Variants in SMG5 observed in about 807,000 individuals in gnomAD.
SMG5 encodes SMG5 nonsense mediated mRNA decay factor.
SMG5 carries 53 observed loss-of-function variants against 122.9 expected under a neutral mutation model. That is an observed-to-expected ratio of 0.43 (90% confidence interval 0.35 to 0.54). The LOEUF (loss-of-function observed/expected upper bound fraction) is 0.54. Among genes scored for constraint, SMG5 ranks in the 20% least tolerant of loss-of-function variants. SMG5 has a pLI of 0.01. For synonymous variants in SMG5, 477 were observed against 490.2 expected, an observed-to-expected ratio of 0.97 and a Z score of 0.35; for missense variants, 1,153 against 1,285.6, an observed-to-expected ratio of 0.90 and a Z score of 1.58.
In SMG5 at chr1:156,266,566, G is replaced by A; in HGVS notation, c.1230C>T (p.Val410=). The change falls in exon 11 of 22, where the codon GTC becomes GTT. Residue 410 remains valine (V), a synonymous_variant. Coordinates refer to ENST00000361813, the MANE Select transcript of SMG5 (RefSeq NM_015327.3). ...QAELEEGENP[V]PAFQSDGTDE... The stretch of plus-strand genomic sequence containing the variant: ...CTGTGCCATCACTCTGGAATGCCGG[G>A]ACGGGATTCTCGCCCTCTTCCAGCT... 1 of 1,614,116 alleles carries A rather than the reference G, an allele frequency of 6.2e-7. No homozygotes were observed. The highest frequency in any genetic ancestry group is 8.5e-7 in the Non-Finnish European group (1 of 1,180,024).
At chr1:156,282,558 G>T (rs747863402) in intron 1 of SMG5, 49 bp downstream of exon 1, 14 of 1,527,618 alleles carry the variant, frequency 9.2e-6, no homozygotes, top group Admixed American at 1.9e-5. Context: ...GCCCCTCGCC[G>T]TCTCCCCACT....
chr1:156,261,436 T>C, intron 13 of SMG5, 28 bp from the exon 14 acceptor site: 1 of 1,593,058 alleles, frequency 6.3e-7, no homozygotes. Context: ...AGAGGAGGCC[T>C]TCAGCTAGAG....
chr1:156,271,292 A>G (rs143594324), intron 7 of SMG5, among the ~76,000 whole-genome samples: 43 of 152,320 alleles, frequency 2.8e-4, no homozygotes, highest in African/African-American at 8.7e-4. Context: ...TTAGTAGTTG[A>G]CCACTTAAGC....
At chr1:156,264,717 A>G (rs1662035554) in intron 12 of SMG5, among the ~76,000 whole-genome samples, 1 of 152,148 alleles carries the variant, frequency 6.6e-6, no homozygotes, top group South Asian at 2.1e-4. Context: ...CCAGACAGAC[A>G]AAACACTATG....
At chr1:156,269,678 A>G (rs563561106) in intron 7 of SMG5, among the ~76,000 whole-genome samples, 6 of 152,272 alleles carry the variant, frequency 3.9e-5, no homozygotes, top group Non-Finnish European at 5.9e-5. Context: ...GATCGAGACC[A>G]TCCTGGCTAA....
Position 156,272,324 on chromosome 1 carries a change from G to A in SMG5, c.709C>T (p.Arg237Cys), listed in dbSNP as rs755525733. Residue 237 changes from arginine to cysteine, a missense_variant, in exon 7 of 22, where the codon CGC becomes TGC. By Grantham distance (180) the Arg-to-Cys change is radical. This residue lies in a region of SMG5 where 85 missense variants were observed against 127.3 expected (regional missense o/e 0.67). Coordinates refer to ENST00000361813, the MANE Select transcript of SMG5 (RefSeq NM_015327.3). ...AAAGAGCTGGCAAATACTCACCAGC[G>A]CAGGTAGCAATACATGGCTTCCACA... ...YNVEAMYCYL[R>C]CIQSEVSFEG... is the part of the protein sequence containing the mutation. 6.9e-6 allele frequency: 11 copies of A among 1,593,602 alleles called. No homozygotes were observed. Among genetic ancestry groups the A allele is most frequent in the South Asian group, 2.3e-5 (2 of 88,336 alleles).
In SMG5 at chr1:156,266,268, G is replaced by A. The variant is rs1221694558; in HGVS notation, c.1368C>T (p.Leu456=). The A allele has an allele frequency of 1.2e-6, 2 of 1,614,244 alleles. No individual in the cohort carries two copies. Among genetic ancestry groups the A allele is most frequent in the Admixed American group, 1.7e-5 (1 of 60,034 alleles). Residue 456 remains leucine (L), a synonymous_variant, in exon 12 of 22, where the codon CTC becomes CTT. Coordinates refer to ENST00000361813, the MANE Select transcript of SMG5 (RefSeq NM_015327.3). ...EGRKSRKFSR[L]SCLRRRRHPP... is the part of the protein sequence containing the mutation. Reference sequence around the variant, plus strand: ...GGTGGCGGCGACGGCGGAGACAGGAGAGGCGAGAGAACTTACGGCTCTTTC... The same window carrying A: ...GGTGGCGGCGACGGCGGAGACAGGAAAGGCGAGAGAACTTACGGCTCTTTC...
Position 156,262,431 on chromosome 1 carries a change from G to A in SMG5, c.2031+964C>T, listed in dbSNP as rs192409476. On this transcript the variant is annotated intron_variant, in intron 13 of 21. Coordinates refer to ENST00000361813, the MANE Select transcript of SMG5 (RefSeq NM_015327.3). ...GCGGAACTTGCAGTGAGCCGAAATC[G>A]TGCCACTGCACTCCAGCCTGGGCGA... Among the ~76,000 whole-genome samples, 1,118 of 146,280 alleles carry A rather than the reference G, an allele frequency of 7.6e-3. 18 individuals are homozygous for A. The highest frequency in any genetic ancestry group is 0.026 in the African/African-American group (1,024 of 39,078).
chr1:156,291,399 T>A, the SMG5 span: 13 of 1,614,120 alleles, frequency 8.1e-6, no homozygotes, highest in Non-Finnish European at 1.1e-5. Context: ...ATCTACTGGC[T>A]GACCTTTGCC....
upstream of SMG5, among the ~76,000 whole-genome samples, chr1:156,284,740 G>A (rs1283860121): frequency 6.6e-6 from 1 of 152,208 alleles, no homozygotes; most frequent in Non-Finnish European, 1.5e-5. Context: ...AAGCAGGGAT[G>A]TGTAGGGATG....
At chr1:156,290,023 A>C in the SMG5 span, 1 of 152,232 alleles carries the variant, frequency 6.6e-6, no homozygotes, top group Non-Finnish European at 1.5e-5. Flanking sequence ...GACCAGTCTT[A>C]CTTAACCCTT....
intron 13 of SMG5, among the ~76,000 whole-genome samples, chr1:156,262,265 G>C (rs1488218864): frequency 1.3e-5 from 2 of 152,138 alleles, no homozygotes; most frequent in South Asian, 2.1e-4. Flanking sequence ...GGGAGGCTGA[G>C]GCAGGCGGAT....
rs201941222 is a variant in SMG5 at position 156,259,155 on chromosome 1, C to G, written c.2292G>C (p.Val764=). Residue 764 remains valine (V), a synonymous_variant, in exon 16 of 22, where the codon GTG becomes GTC. Transcript: ENST00000361813. The stretch of plus-strand genomic sequence containing the variant: ...CAAAGCTGCGGATGCAGCAGATGCG[C>G]ACCACTGACTGTGGGGAGATACAGG... The part of the protein sequence containing the change: ...PLLSTLEESV[V]RICCIRSFGH... 1.7e-5 allele frequency: 27 copies of G among 1,579,066 alleles called. No homozygotes were observed. The Admixed American group carries it at 3.4e-4, about 20-fold the overall frequency.
chr1:156,259,203 C>G, intron 15 of SMG5, 40 bp from the exon 16 acceptor site: 1 of 1,511,860 alleles, frequency 6.6e-7, no homozygotes, highest in Admixed American at 2.2e-5. Flanking sequence ...CTGAGCAGGG[C>G]CCTCTAGACC....
intron 16 of SMG5, among the ~76,000 whole-genome samples, chr1:156,255,711 T>C (rs1212201555): frequency 1.3e-5 from 2 of 151,852 alleles, no homozygotes; most frequent in Non-Finnish European, 2.9e-5. Context: ...CATAGCAAGA[T>C]CACATTTCTA....
At chr1:156,256,179 C>G (rs759687862) in intron 16 of SMG5, among the ~76,000 whole-genome samples, 1 of 151,936 alleles carries the variant, frequency 6.6e-6, no homozygotes, top group Non-Finnish European at 1.5e-5. Context: ...CCACTCCCAC[C>G]CCCCTGCAGA....
intron 20 of SMG5, 160 bp from the exon 21 acceptor site, chr1:156,251,156 A>C: frequency 9.9e-7 from 1 of 1,005,448 alleles, no homozygotes; most frequent in South Asian, 1.5e-5. Context: ...GAGCAGGCAA[A>C]GGTGCATTGA....
chr1:156,261,498 G>A lies in SMG5; in HGVS notation c.2032-90C>T, dbSNP rs1328626154. The A allele has an allele frequency of 7.3e-6, 8 of 1,095,270 alleles. No individual in the cohort carries two copies. In the East Asian group the frequency reaches 1.9e-4, roughly 27 times the overall value. The allele number at this position is 1,095,270 out of a possible 1,614,324, so 67.8% of individuals were successfully genotyped here. A position where few individuals can be genotyped will look rare whatever the true frequency, so the allele number is the denominator to read the frequency against. Reference sequence around the variant, plus strand: ...AGGAAAGCACCACCCTGAGGGATCTGGCCTATGTTCAGAGGCCTGTGGGGG... The same window carrying A: ...AGGAAAGCACCACCCTGAGGGATCTAGCCTATGTTCAGAGGCCTGTGGGGG... On this transcript the variant is annotated intron_variant, in intron 13 of 21. Transcript: ENST00000361813.
chr1:156,255,791 T>A (rs1023211588), intron 16 of SMG5, among the ~76,000 whole-genome samples: 7 of 151,794 alleles, frequency 4.6e-5, no homozygotes, highest in Admixed American at 4.6e-4. Flanking sequence ...TAGTCCTAGC[T>A]ACTCAGGAGG....
Sources: gnomAD v4.1 joint callset for allele counts (sites outside exome capture counted in the v4.1 genomes callset) on GRCh38, gnomAD v4.1.1 for gene constraint, gnomAD v4.1.1 regional missense constraint, MANE v1.5 for transcripts, NCBI Gene and HGNC (gene_info 2026-07-23, HGNC 2026-07-21) for gene names.